Variants in DST observed in about 807,000 individuals in gnomAD.
The protein encoded by DST is dystonin.
A neutral mutation model predicts 875.2 loss-of-function variants in DST; 253 were observed. The observed-to-expected ratio is 0.29, with a 90% CI of 0.26 to 0.32. The LOEUF is 0.32. Ranked by LOEUF, DST falls within the 10% of genes least tolerant of loss-of-function variation. DST has a pLI of 1.00. For missense variants in DST, 8,287 were observed against 9,111.6 expected, an observed-to-expected ratio of 0.91 and a Z score of 3.68; for synonymous variants, 3,124 against 3,197.1, an observed-to-expected ratio of 0.98 and a Z score of 0.77.
At chr6:56,474,172 AT>A in intron 92 of DST, 170 bp from the exon 93 acceptor site, 1 of 560,266 alleles carries the variant, frequency 1.8e-6, no homozygotes, top group Non-Finnish European at 3.0e-6. Context: ...TACTGCAGGC[AT>A]TTACTAATTT....
intron 4 of DST, among the ~76,000 whole-genome samples, chr6:56,849,431 G>A (rs1198977647): frequency 1.3e-5 from 2 of 152,082 alleles, no homozygotes; most frequent in Non-Finnish European, 2.9e-5. Context: ...CACGACACCT[G>A]GCCTGTAAAT....
intron 4 of DST, among the ~76,000 whole-genome samples, chr6:56,817,044 C>A (rs1362276889): frequency 6.6e-6 from 1 of 151,430 alleles, no homozygotes; most frequent in East Asian, 1.9e-4. Flanking sequence ...GACTCTTGAC[C>A]CATGGAAATA....
At chr6:56,459,387 A>C (rs2152367055) in intron 103 of DST, 120 bp from the exon 104 acceptor site, 1 of 1,012,304 alleles carries the variant, frequency 9.9e-7, no homozygotes, top group East Asian at 2.6e-5. Flanking sequence ...AGGCACTCAG[A>C]AAACAGTTGT....
intron 4 of DST, among the ~76,000 whole-genome samples, chr6:56,826,039 T>G (rs1460344907): frequency 1.3e-5 from 2 of 152,282 alleles, no homozygotes; most frequent in East Asian, 3.8e-4. Flanking sequence ...AACAAACGGA[T>G]CCTTTGGCTT....
chr6:56,696,725 T>C (rs1030424950), intron 9 of DST, among the ~76,000 whole-genome samples: 3 of 152,170 alleles, frequency 2.0e-5, no homozygotes, highest in Admixed American at 2.0e-4. Context: ...AATTTTCTTG[T>C]GGTCTCTAGT....
intron 5 of DST, among the ~76,000 whole-genome samples, chr6:56,710,271 C>T (rs1364373183): frequency 6.6e-6 from 1 of 152,116 alleles, no homozygotes; most frequent in Non-Finnish European, 1.5e-5. Context: ...GTGAGCTCTG[C>T]AGTAGGGAGC....
At position 56,639,453 on chromosome 6, in the gene DST, A is replaced by G. The variant is rs759732250; in HGVS notation, c.2856T>C (p.His952=). 9.3e-6 allele frequency: 15 copies of G among 1,613,692 alleles called. No individual in the cohort carries two copies. The highest frequency in any genetic ancestry group is 1.2e-5 in the Non-Finnish European group (14 of 1,179,884). The part of the protein sequence containing the change: ...NTNIARKKDY[H]AELMRELDQK... ...CAAGTACAAAGGGTGTACTTACAGC[A>G]TGATAATCTTTTTTCCTAGCTATGT... is the stretch of plus-strand genomic sequence containing the variant. Residue 952 remains histidine, a synonymous_variant, in exon 21 of 104, where the codon CAT becomes CAC. Coordinates refer to ENST00000680361, the MANE Select transcript of DST (RefSeq NM_001374736.1).
At chr6:56,645,431 C>T (rs778171666) in intron 15 of DST, among the ~76,000 whole-genome samples, 7 of 152,262 alleles carry the variant, frequency 4.6e-5, no homozygotes, top group Middle Eastern at 3.4e-3. Flanking sequence ...GTGTTCTAGA[C>T]GCCATCCAAC....
intron 4 of DST, among the ~76,000 whole-genome samples, chr6:56,808,162 T>C (rs1444913981): frequency 6.6e-6 from 1 of 151,982 alleles, no homozygotes; most frequent in Non-Finnish European, 1.5e-5. Flanking sequence ...GTCATCCAAG[T>C]AACACCCCAT....
intron 102 of DST, 81 bp from the exon 103 acceptor site, chr6:56,460,335 G>T: frequency 1.3e-6 from 2 of 1,483,852 alleles, no homozygotes; most frequent in South Asian, 1.2e-5. Flanking sequence ...CTTTACATAT[G>T]GGTGGAAACT....
chr6:56,852,263 T>C (rs2127579265), intron 3 of DST, among the ~76,000 whole-genome samples: 1 of 152,342 alleles, frequency 6.6e-6, no homozygotes, highest in South Asian at 2.1e-4. Context: ...AAGACTGTTT[T>C]CAGAAGCCTA....
At chr6:56,939,737 A>C (rs1430342262) in intron 2 of DST, among the ~76,000 whole-genome samples, 1 of 152,038 alleles carries the variant, frequency 6.6e-6, no homozygotes, top group Non-Finnish European at 1.5e-5. Context: ...AATTATATAA[A>C]TAAGCAGCCG....
In DST at chr6:56,619,823, C is replaced by T. The variant is rs201174310; in HGVS notation, c.4929+4707G>A. 6.0e-5 allele frequency: 97 copies of T among 1,614,024 alleles called. No individual in the cohort carries two copies. The highest frequency in any genetic ancestry group is 4.2e-4 in the South Asian group (38 of 91,062). ...TTCATCTAGTTTATCTTTTAGCAAA[C>T]GAGCCTTTTCCTCAGATGACGTTTT... On this transcript the variant is annotated intron_variant, in intron 36 of 103. Transcript: ENST00000680361.
chr6:56,762,303 A>G (rs1225629645), intron 4 of DST, among the ~76,000 whole-genome samples: 1 of 152,146 alleles, frequency 6.6e-6, no homozygotes, highest in African/African-American at 2.4e-5. Context: ...GTGCCCGACA[A>G]GACTCTAGAA....
chr6:56,481,232 A>G (rs192907832), intron 90 of DST, among the ~76,000 whole-genome samples: 3 of 152,328 alleles, frequency 2.0e-5, no homozygotes, highest in Non-Finnish European at 2.9e-5. Context: ...CCTGACTTCA[A>G]AAGACAAAAT....
At chr6:56,928,899 A>G (rs1364121963) in intron 2 of DST, among the ~76,000 whole-genome samples, 1 of 152,156 alleles carries the variant, frequency 6.6e-6, no homozygotes. Flanking sequence ...TCTGCCAAAA[A>G]AGAAGAGTTG....
chr6:56,717,170 G>A (rs535378778), intron 5 of DST, among the ~76,000 whole-genome samples: 3 of 150,252 alleles, frequency 2.0e-5, no homozygotes, highest in Admixed American at 6.6e-5. Context: ...GCAACAGAGC[G>A]AGACTCCGTC....
intron 4 of DST, among the ~76,000 whole-genome samples, chr6:56,777,062 T>G (rs1198854809): frequency 6.6e-6 from 1 of 151,278 alleles, no homozygotes; most frequent in African/African-American, 2.5e-5. Context: ...AAATTAAGAA[T>G]GAATACTGCT....
At chr6:56,763,360 A>G (rs780046315) in intron 4 of DST, among the ~76,000 whole-genome samples, 2 of 151,980 alleles carry the variant, frequency 1.3e-5, no homozygotes, top group Non-Finnish European at 2.9e-5. Flanking sequence ...GCTTTTCACT[A>G]TGATTAATTA....
Sources: allele counts gnomAD v4.1 joint callset (sites outside exome capture counted in the v4.1 genomes callset), GRCh38; gene constraint gnomAD v4.1.1; transcripts MANE v1.5; gene names NCBI Gene and HGNC (gene_info 2026-07-23, HGNC 2026-07-21).